The following KIAA0319L variants were observed in gnomAD, a reference collection of about 807,000 sequenced individuals.
The protein encoded by KIAA0319L is KIAA0319 like, also known as dyslexia-associated protein KIAA0319-like protein.
In KIAA0319L, 55 loss-of-function variants were observed where a neutral mutation model predicts 120.1. That is an observed-to-expected ratio of 0.46 (90% CI 0.37 to 0.57). The LOEUF is 0.57. Among genes scored for constraint, KIAA0319L ranks in the 20% least tolerant of loss-of-function variants. The pLI, the probability that KIAA0319L is intolerant of heterozygous loss-of-function variation, is 0.00. For missense variants in KIAA0319L, 1,049 were observed against 1,255.3 expected, an observed-to-expected ratio of 0.84 and a Z score of 2.48; for synonymous variants, 398 against 471.9, an observed-to-expected ratio of 0.84 and a Z score of 2.03.
chr1:35,452,761 C>T (rs1642155621), intron 12 of KIAA0319L, among the ~76,000 whole-genome samples: 1 of 152,154 alleles, frequency 6.6e-6, no homozygotes, highest in Non-Finnish European at 1.5e-5. Context: ...ACTCAGCAAT[C>T]TCAAAAGCAA....
chr1:35,480,470 G>A (rs1433300780), intron 3 of KIAA0319L, among the ~76,000 whole-genome samples: 1 of 152,086 alleles, frequency 6.6e-6, no homozygotes, highest in African/African-American at 2.4e-5. Flanking sequence ...AAACAAGGGT[G>A]GTGGTATGGA....
Position 35,451,649 on chromosome 1 carries a change from C to T in KIAA0319L, c.2041G>A (p.Val681Met). 6.2e-7 allele frequency: 1 copy of T among 1,614,100 alleles called. No individual in the cohort carries two copies. The highest frequency in any genetic ancestry group is 8.5e-7 in the Non-Finnish European group (1 of 1,179,974). Residue 681 changes from valine to methionine, a missense_variant, in exon 13 of 21, where the codon GTG (valine) becomes ATG (methionine). Val to Met is a conservative substitution (Grantham distance 21). Transcript: ENST00000325722. ...GTACCTTCTTTGACAATGACATTCA[C>T]AGAGCTCTGGCTTTGCAGGTTCCTC... The part of the protein sequence containing the change: ...DERNLQSQSS[V>M]NVIVKEEINK...
intron 2 of KIAA0319L, among the ~76,000 whole-genome samples, chr1:35,531,044 T>C (rs199907408): frequency 5.9e-5 from 9 of 152,216 alleles, no homozygotes; most frequent in African/African-American, 1.9e-4. Flanking sequence ...CTGTCTGTAA[T>C]AGTCACCCCA....
intron 9 of KIAA0319L, 83 bp downstream of exon 9, chr1:35,460,222 C>A: frequency 8.8e-7 from 1 of 1,135,632 alleles, no homozygotes; most frequent in South Asian, 1.5e-5. Context: ...TGATATTTGT[C>A]AAAGTTACTC....
intron 3 of KIAA0319L, among the ~76,000 whole-genome samples, chr1:35,482,138 A>G (rs1644197888): frequency 6.6e-6 from 1 of 151,718 alleles, no homozygotes; most frequent in Non-Finnish European, 1.5e-5. Flanking sequence ...TTCTGTTTCT[A>G]TAGTTTGCAT....
At chr1:35,530,602 T>C (rs1260904692) in intron 2 of KIAA0319L, among the ~76,000 whole-genome samples, 2 of 152,248 alleles carry the variant, frequency 1.3e-5, no homozygotes, top group Non-Finnish European at 2.9e-5. Context: ...AAGTCTGTTA[T>C]TGGAGAATTA....
chr1:35,543,653 G>T (rs574964488), intron 2 of KIAA0319L, among the ~76,000 whole-genome samples: 1 of 152,202 alleles, frequency 6.6e-6, no homozygotes, highest in Admixed American at 6.5e-5. Context: ...TGAGGGCAAG[G>T]CCTACAGGTA....
Position 35,498,337 on chromosome 1 carries a change from GA to G in KIAA0319L, c.666+8274del, listed in dbSNP as rs1016859388. Among the ~76,000 whole-genome samples, 463 of 138,850 alleles carry G rather than the reference GA, an allele frequency of 3.3e-3. 1 individual carries two copies. The highest frequency in any genetic ancestry group is 7.9e-3 in the East Asian group (38 of 4,804). The allele number at this position is 138,850 out of a possible 152,430, so 91.1% of individuals were successfully genotyped here. On this transcript the variant is annotated intron_variant, in intron 3 of 20. Coordinates refer to ENST00000325722, the MANE Select transcript of KIAA0319L (RefSeq NM_024874.5). ...AATAAGTGCGAAACTCCCATCTCGG[GA>G]AAAAAAAAAAAGAAACTATGAAGTA...
At chr1:35,479,479 C>T (rs1644053361) in intron 3 of KIAA0319L, among the ~76,000 whole-genome samples, 1 of 152,148 alleles carries the variant, frequency 6.6e-6, no homozygotes, top group Non-Finnish European at 1.5e-5. Context: ...ACAATGTATA[C>T]TTTTACCCTG....
At position 35,488,679 on chromosome 1, in the gene KIAA0319L, G is replaced by C. The variant is rs899911527; in HGVS notation, c.667-9467C>G. Among the ~76,000 whole-genome samples the C allele has an allele frequency of 7.2e-5, 11 of 152,330 alleles. No individual in the cohort carries two copies. The East Asian group carries it at 1.9e-3, about 27-fold the overall frequency. Reference sequence around the variant, plus strand: ...AGCTGATAAAAGGACCAACAAAATTGACTAAGAAGGAATCATCAGGAAGAA... The same window carrying C: ...AGCTGATAAAAGGACCAACAAAATTCACTAAGAAGGAATCATCAGGAAGAA... On this transcript the variant is annotated intron_variant, in intron 3 of 20. Transcript: ENST00000325722.
Position 35,506,514 on chromosome 1 carries a change from A to G in KIAA0319L, c.666+98T>C. The G allele has an allele frequency of 2.5e-6, 3 of 1,203,504 alleles. No individual in the cohort carries two copies. The highest frequency in any genetic ancestry group is 3.5e-6 in the Non-Finnish European group (3 of 849,000). The allele number at this position is 1,203,504 out of a possible 1,614,324, so 74.6% of individuals were successfully genotyped here. ...GCTTTATATATACACTCCTCAGCCT[A>G]TGAGCACTGCCCGCAAGCATCAGCT... On this transcript the variant is annotated intron_variant, in intron 3 of 20. Coordinates refer to ENST00000325722, the MANE Select transcript of KIAA0319L (RefSeq NM_024874.5). This position sits in a 1 kb window ranked among gnomAD's most constrained non-coding sequence, Gnocchi z 4.0.
intron 2 of KIAA0319L, among the ~76,000 whole-genome samples, chr1:35,508,505 T>A (rs1326520598): frequency 1.3e-5 from 2 of 151,406 alleles, no homozygotes; most frequent in Non-Finnish European, 2.9e-5. Flanking sequence ...GCTTCTAGAG[T>A]ATTGAGTCAG....
At position 35,442,867 on chromosome 1, in the gene KIAA0319L, C is replaced by T. The variant is rs747270260; in HGVS notation, c.2779+39G>A. 6.2e-6 allele frequency: 10 copies of T among 1,613,366 alleles called. No homozygotes were observed. The African/African-American group carries it at 6.7e-5, about 11-fold the overall frequency. ...CCACTCAGTGCAGAACCACATTCAG[C>T]GCCAAACAGGCTGGCACTGTGCCAC... On this transcript the variant is annotated intron_variant, in intron 18 of 20. Coordinates refer to ENST00000325722, the MANE Select transcript of KIAA0319L (RefSeq NM_024874.5).
intron 2 of KIAA0319L, 110 bp from the exon 3 acceptor site, chr1:35,507,245 A>C: frequency 8.9e-7 from 1 of 1,123,424 alleles, no homozygotes; most frequent in South Asian, 1.8e-5. Flanking sequence ...CGAGTTTTTA[A>C]GAGGGTGAGA....
Position 35,506,953 on chromosome 1 carries a change from C to A in KIAA0319L, c.325G>T (p.Asp109Tyr), listed in dbSNP as rs1645229491. The change falls in exon 3 of 21, where the codon GAC becomes TAC. Residue 109 changes from aspartate (D) to tyrosine (Y), a missense_variant. Physicochemically the swap from Asp to Tyr is radical, Grantham distance 160. Transcript: ENST00000325722. This position sits in a 1 kb window ranked among gnomAD's most constrained non-coding sequence, Gnocchi z 4.0. ...CGGCAGCTCTGGGGCCTGCTGCAGT[C>A]TGCCTGAATGCACATCCCTTCTAGC... ...WWLEGMCIQA[D>Y]CSRPQSCRAF... 1.9e-6 allele frequency: 3 copies of A among 1,613,770 alleles called. No individual in the cohort carries two copies. Among genetic ancestry groups the A allele is most frequent in the Non-Finnish European group, 2.5e-6 (3 of 1,179,876 alleles).
intron 2 of KIAA0319L, chr1:35,510,437 G>GCCA (rs1645386915): frequency 1.3e-5 from 2 of 149,492 alleles, no homozygotes; most frequent in African/African-American, 2.5e-5. Context: ...CAAGGCGTGA[G>GCCA]CCACCACGCC....
In KIAA0319L at chr1:35,450,431, C is replaced by A. The variant is rs1377198071; in HGVS notation, c.2141G>T (p.Gly714Val). Residue 714 changes from glycine (G) to valine (V), a missense_variant, in exon 14 of 21, where the codon GGC becomes GTC. By Grantham distance (109) the Gly-to-Val change is moderately radical. Transcript: ENST00000325722. ...TLPTSTAELD[G>V]SKSSDDKGIV... Reference sequence around the variant, plus strand: ...TCCCTTGTCATCTGAGGACTTAGAGCCATCCAGCTCTGCTGTGCTCGTGGG... The same window carrying A: ...TCCCTTGTCATCTGAGGACTTAGAGACATCCAGCTCTGCTGTGCTCGTGGG... 2 of 1,614,074 alleles carry A rather than the reference C, an allele frequency of 1.2e-6. No homozygotes were observed. The highest frequency in any genetic ancestry group is 3.3e-5 in the Admixed American group (2 of 60,016).
intron 16 of KIAA0319L, 71 bp downstream of exon 16, chr1:35,448,102 T>C: frequency 7.1e-7 from 1 of 1,409,770 alleles, no homozygotes; most frequent in Non-Finnish European, 9.6e-7. Context: ...ACCACACTAT[T>C]TCTCAGCTCA....
intron 12 of KIAA0319L, among the ~76,000 whole-genome samples, 169 bp from the exon 13 acceptor site, chr1:35,451,945 C>G (rs1642097583): frequency 6.6e-6 from 1 of 152,194 alleles, no homozygotes; most frequent in South Asian, 2.1e-4. Flanking sequence ...GTCATTTGGC[C>G]TCAAAATACA....
Sources: gnomAD v4.1 joint callset for allele counts (sites outside exome capture counted in the v4.1 genomes callset) on GRCh38, gnomAD v4.1.1 for gene constraint, Gnocchi (gnomAD v3.1) non-coding constraint, MANE v1.5 for transcripts, NCBI Gene and HGNC (gene_info 2026-07-23, HGNC 2026-07-21) for gene names.